The following SEMA3D variants were observed in gnomAD, a reference collection of about 807,000 sequenced individuals.
SEMA3D encodes semaphorin 3D.
Under a neutral mutation model 100.1 loss-of-function variants are expected in SEMA3D, and 84 were observed. The observed-to-expected ratio is 0.84, with a 90% CI of 0.70 to 1.01. The LOEUF (loss-of-function observed/expected upper bound fraction) is 1.01, where lower values mean the gene tolerates loss of function less well. Ranked by LOEUF, SEMA3D falls within the 50% of genes least tolerant of loss-of-function variation. The probability of loss-of-function intolerance (pLI) is 0.00; values close to 1 mark genes in which losing one functional copy is unlikely to be tolerated. For synonymous variants in SEMA3D, 312 were observed against 320.7 expected, an observed-to-expected ratio of 0.97 and a Z score of 0.29; for missense variants, 875 against 934.1, an observed-to-expected ratio of 0.94 and a Z score of 0.82.
chr7:85,086,614 T>TTC (rs147676385), intron 4 of SEMA3D, among the ~76,000 whole-genome samples: 79 of 148,138 alleles, frequency 5.3e-4, no homozygotes, highest in African/African-American at 1.9e-3. Context: ...TCTAGTCTCT[T>TTC]TCTCTCTCTC....
chr7:85,209,252 A>T, the SEMA3D span, among the ~76,000 whole-genome samples: 2 of 152,066 alleles, frequency 1.3e-5, no homozygotes, highest in African/African-American at 4.8e-5. Context: ...ATATATATAC[A>T]TATGTATGTG....
the SEMA3D span, among the ~76,000 whole-genome samples, chr7:85,230,296 C>T: frequency 1.3e-5 from 2 of 152,286 alleles, no homozygotes; most frequent in South Asian, 4.1e-4. Flanking sequence ...ATTGCTTGAA[C>T]ACTTACTATA....
intron 12 of SEMA3D, among the ~76,000 whole-genome samples, chr7:85,034,181 A>T (rs1482637304): frequency 6.6e-6 from 1 of 152,146 alleles, no homozygotes; most frequent in African/African-American, 2.4e-5. Context: ...GTATTAAGTA[A>T]GTTAATGTTT....
upstream of SEMA3D, among the ~76,000 whole-genome samples, chr7:85,187,356 C>T (rs924898291): frequency 6.6e-6 from 1 of 152,126 alleles, no homozygotes; most frequent in Non-Finnish European, 1.5e-5. Flanking sequence ...TAAGGGACCC[C>T]ATGAGGAAGA....
At chr7:85,060,198 G>A (rs188249735) in intron 8 of SEMA3D, among the ~76,000 whole-genome samples, 1 of 152,314 alleles carries the variant, frequency 6.6e-6, no homozygotes, top group Admixed American at 6.5e-5. Flanking sequence ...AGGTGTTAAA[G>A]CTAAATGTTT....
chr7:85,010,710 A>T (rs75062987), intron 17 of SEMA3D, among the ~76,000 whole-genome samples: 10,115 of 151,856 alleles, frequency 0.067, 963 homozygotes, highest in East Asian at 0.22. Context: ...AGATAATAAG[A>T]ATTCTTTCTC....
rs1175568433 is a variant in SEMA3D at position 85,073,076 on chromosome 7, T to C, written c.381A>G (p.Glu127=). The change falls in exon 6 of 19, where the codon GAA becomes GAG. Residue 127 remains glutamate (E), a synonymous_variant. Coordinates refer to ENST00000284136, the MANE Select transcript of SEMA3D (RefSeq NM_001384900.1). ...GAAGTACTCTGATGAAATTTGCACA[T>C]TCTGTCTGTTGGGCACAAAAATTAA... ...CKLAGKDANT[E]CANFIRVLQP... 1 of 1,612,350 alleles carries C rather than the reference T, an allele frequency of 6.2e-7. No homozygotes were observed. Among genetic ancestry groups the C allele is most frequent in the Non-Finnish European group, 8.5e-7 (1 of 1,179,518 alleles).
the SEMA3D span, among the ~76,000 whole-genome samples, chr7:85,245,064 G>A: frequency 6.6e-6 from 1 of 152,064 alleles, no homozygotes; most frequent in East Asian, 1.9e-4. Context: ...CTTTCTTTTT[G>A]AGGGATGTAG....
At chr7:85,136,296 T>C (rs1015510365) in intron 2 of SEMA3D, among the ~76,000 whole-genome samples, 1 of 152,170 alleles carries the variant, frequency 6.6e-6, no homozygotes, top group African/African-American at 2.4e-5. Flanking sequence ...TTGTACTGCA[T>C]TATCCTCATA....
intron 9 of SEMA3D, among the ~76,000 whole-genome samples, chr7:85,050,118 CACAG>C (rs1471852412): frequency 4.6e-4 from 57 of 124,404 alleles, no homozygotes; most frequent in African/African-American, 1.4e-3. Context: ...CACACACACA[CACAG>C]AGACAGAGTA....
At chr7:85,050,577 A>G (rs1180358351) in intron 9 of SEMA3D, 1 of 388,032 alleles carries the variant, frequency 2.6e-6, no homozygotes, top group Non-Finnish European at 4.6e-6. Context: ...ATTGATCAAT[A>G]TTGCCCAGTA....
intron 3 of SEMA3D, among the ~76,000 whole-genome samples, chr7:85,107,236 C>T (rs896921232): frequency 9.2e-5 from 14 of 152,094 alleles, no homozygotes; most frequent in African/African-American, 3.4e-4. Flanking sequence ...GGCTTTTCAT[C>T]TAAAACAAAT....
chr7:85,109,796 A>T (rs1426486675), intron 3 of SEMA3D, among the ~76,000 whole-genome samples: 1 of 151,988 alleles, frequency 6.6e-6, no homozygotes, highest in African/African-American at 2.4e-5. Flanking sequence ...TCCTTTAATA[A>T]GGCTCAAGAA....
upstream of SEMA3D, among the ~76,000 whole-genome samples, chr7:85,190,882 C>CATA (rs1231197782): frequency 6.6e-6 from 1 of 152,026 alleles, no homozygotes; most frequent in Non-Finnish European, 1.5e-5. Context: ...AACCTTCTAT[C>CATA]CCTCATGTTA....
chr7:85,236,043 C>A, the SEMA3D span, among the ~76,000 whole-genome samples: 1 of 151,936 alleles, frequency 6.6e-6, no homozygotes, highest in Admixed American at 6.6e-5. Context: ...CTTTATTTAT[C>A]CCCAATTTTC....
At position 85,022,536 on chromosome 7, in the gene SEMA3D, C is replaced by A. The variant is rs1790284879; in HGVS notation, c.1269G>T (p.Arg423=). 6.2e-7 allele frequency: 1 copy of A among 1,612,272 alleles called. No homozygotes were observed. The highest frequency in any genetic ancestry group is 1.7e-5 in the Admixed American group (1 of 59,870). ...FPDDVISFIK[R]HSVMYKSVYP... ...ATACGGACTTATACATCACAGAGTG[C>A]CGCTTTATGAAACTGATGACATCAT... The change falls in exon 13 of 19, where the codon CGG becomes CGT. Residue 423 remains arginine, a synonymous_variant. Coordinates refer to ENST00000284136, the MANE Select transcript of SEMA3D (RefSeq NM_001384900.1).
At chr7:85,084,582 A>G (rs1232113818) in intron 4 of SEMA3D, among the ~76,000 whole-genome samples, 2 of 151,394 alleles carry the variant, frequency 1.3e-5, no homozygotes, top group Admixed American at 1.3e-4. Flanking sequence ...TTTTTTTTTC[A>G]ATAATATTTT....
At chr7:85,050,644 C>T in intron 9 of SEMA3D, 1 of 427,238 alleles carries the variant, frequency 2.3e-6, no homozygotes. Context: ...TATCTCTTGA[C>T]CAAAATTTGC....
chr7:85,179,233 G>A (rs976908406), intron 1 of SEMA3D, among the ~76,000 whole-genome samples: 1 of 152,138 alleles, frequency 6.6e-6, no homozygotes, highest in African/African-American at 2.4e-5. Flanking sequence ...TGTGAGAAGA[G>A]GGCCACCATC....
Sources: allele counts gnomAD v4.1 joint callset (sites outside exome capture counted in the v4.1 genomes callset), GRCh38; gene constraint gnomAD v4.1.1; transcripts MANE v1.5; gene names NCBI Gene and HGNC (gene_info 2026-07-23, HGNC 2026-07-21).